The following LRRIQ1 variants were observed in gnomAD, a reference collection of about 807,000 sequenced individuals.
The protein encoded by LRRIQ1 is leucine-rich repeat- and IQ domain-containing protein 1.
A neutral mutation model predicts 211.9 loss-of-function variants in LRRIQ1; 210 were observed. The observed-to-expected ratio is 0.99, with a 90% CI of 0.89 to 1.11. The LOEUF (loss-of-function observed/expected upper bound fraction) is 1.11, where lower values mean the gene tolerates loss of function less well. Ranked by LOEUF, LRRIQ1 falls within the 50% of genes most tolerant of loss-of-function variation. LRRIQ1 has a pLI of 0.00. For synonymous variants in LRRIQ1, 699 were observed against 650.1 expected (o/e 1.08, Z -1.14); for missense variants, 2,136 against 1,939.5 (o/e 1.10, Z -1.90).
At chr12:85,113,191 A>G (rs1394959804) in intron 15 of LRRIQ1, among the ~76,000 whole-genome samples, 1 of 152,164 alleles carries the variant, frequency 6.6e-6, no homozygotes, top group Non-Finnish European at 1.5e-5. Flanking sequence ...AAGGAAACAT[A>G]ATTGGTGACA....
intron 8 of LRRIQ1, among the ~76,000 whole-genome samples, chr12:85,062,975 T>A (rs1882013490): frequency 6.6e-6 from 1 of 151,930 alleles, no homozygotes; most frequent in African/African-American, 2.4e-5. Context: ...TTTTTTCTTA[T>A]GTTTGTTGGC....
intron 12 of LRRIQ1, 132 bp from the exon 13 acceptor site, chr12:85,098,735 T>C: frequency 4.1e-6 from 3 of 724,312 alleles, no homozygotes; most frequent in Non-Finnish European, 6.4e-6. Context: ...ATTTAAAAAG[T>C]CTTATACCTT....
intron 11 of LRRIQ1, among the ~76,000 whole-genome samples, chr12:85,081,301 C>T (rs1397246649): frequency 6.6e-6 from 1 of 152,122 alleles, no homozygotes; most frequent in Non-Finnish European, 1.5e-5. Context: ...ATGTCTTGAG[C>T]AGATATGTTT....
At chr12:85,149,451 A>G (rs913892288) in intron 19 of LRRIQ1, among the ~76,000 whole-genome samples, 6 of 151,962 alleles carry the variant, frequency 3.9e-5, no homozygotes, top group African/African-American at 1.4e-4. Flanking sequence ...GCTGAAAATC[A>G]GATGGTTGTA....
At chr12:85,259,322 A>G (rs1008734003) in intron 1 of LRRIQ1, among the ~76,000 whole-genome samples, 1 of 151,960 alleles carries the variant, frequency 6.6e-6, no homozygotes, top group Admixed American at 6.6e-5. Context: ...TTGCTATTTT[A>G]TTTTCATATG....
intron 24 of LRRIQ1, among the ~76,000 whole-genome samples, chr12:85,161,823 G>A (rs1461736400): frequency 1.3e-5 from 2 of 152,038 alleles, no homozygotes; most frequent in Non-Finnish European, 2.9e-5. Context: ...GACAGATCAC[G>A]AGATCAGGAG....
At chr12:85,245,235 G>T (rs2137279060), downstream of LRRIQ1, 1 of 244,552 alleles carries the variant, frequency 4.1e-6, no homozygotes, top group Admixed American at 5.5e-5. Flanking sequence ...TAAGATGTTA[G>T]ATTTATATAT....
chr12:85,062,995 G>A (rs1312938895), intron 8 of LRRIQ1, among the ~76,000 whole-genome samples: 1 of 151,770 alleles, frequency 6.6e-6, no homozygotes, highest in Non-Finnish European at 1.5e-5. Context: ...CCACGTGTAT[G>A]TCTTCTTTCA....
At chr12:85,040,933 G>T (rs1878811358) in intron 3 of LRRIQ1, among the ~76,000 whole-genome samples, 1 of 151,032 alleles carries the variant, frequency 6.6e-6, no homozygotes, top group South Asian at 2.1e-4. Context: ...ATCTTTTTTT[G>T]GGAAAAATAT....
intron 24 of LRRIQ1, among the ~76,000 whole-genome samples, chr12:85,192,519 TATATA>T (rs1216116884): frequency 8.1e-6 from 1 of 122,878 alleles, no homozygotes; most frequent in Admixed American, 1.0e-4. Flanking sequence ...TATATATAGT[TATATA>T]ATATAATTAT....
intron 25 of LRRIQ1, among the ~76,000 whole-genome samples, chr12:85,230,923 C>G (rs1198216165): frequency 6.6e-6 from 1 of 152,082 alleles, no homozygotes; most frequent in African/African-American, 2.4e-5. Flanking sequence ...GTAGGGGGCG[C>G]CTGTAGTCCC....
At chr12:85,236,832 T>C (rs1336587282) in intron 26 of LRRIQ1, among the ~76,000 whole-genome samples, 2 of 128,698 alleles carry the variant, frequency 1.6e-5, no homozygotes, top group East Asian at 2.1e-4. Context: ...TATGTGTGCA[T>C]ATATATATAT....
intron 1 of LRRIQ1, among the ~76,000 whole-genome samples, chr12:85,251,377 G>A (rs1397667198): frequency 1.3e-5 from 2 of 151,864 alleles, no homozygotes; most frequent in East Asian, 3.9e-4. Flanking sequence ...GACTAATAAA[G>A]TATAATATAG....
chr12:85,227,888 C>G (rs1226371537), intron 24 of LRRIQ1, among the ~76,000 whole-genome samples: 1 of 152,168 alleles, frequency 6.6e-6, no homozygotes, highest in Non-Finnish European at 1.5e-5. Context: ...ACCATCTGAT[C>G]TTTGACAAAC....
In LRRIQ1 at chr12:85,104,029, C is replaced by T. The variant is rs376718834; in HGVS notation, c.3235C>T (p.His1079Tyr). ...CTTGACTAAAATCGTACCACTTTTT[C>T]ATTTTGTTTCATTGGAAAAGCTAGA... ...NSLTKIVPLF[H>Y]FVSLEKLDVS... The change falls in exon 14 of 27, where the codon CAT becomes TAT. Residue 1079 changes from histidine (H) to tyrosine (Y), a missense_variant. By Grantham distance (83) the His-to-Tyr change is moderately conservative. Coordinates refer to ENST00000393217, the MANE Select transcript of LRRIQ1 (RefSeq NM_001079910.2). The T allele has an allele frequency of 6.4e-7, 1 of 1,565,788 alleles. No individual in the cohort carries two copies. Among genetic ancestry groups the T allele is most frequent in the Non-Finnish European group, 8.7e-7 (1 of 1,155,902 alleles).
intron 14 of LRRIQ1, 98 bp from the exon 15 acceptor site, chr12:85,106,424 T>C: frequency 2.4e-6 from 2 of 829,196 alleles, no homozygotes; most frequent in East Asian, 5.1e-5. Flanking sequence ...AATATTGCTT[T>C]TCTTTAATAG....
At position 85,154,012 on chromosome 12, in the gene LRRIQ1, G is replaced by T; in HGVS notation, c.4638G>T (p.Trp1546Cys). 2 of 1,539,342 alleles carry T rather than the reference G, an allele frequency of 1.3e-6. No individual in the cohort carries two copies. Among genetic ancestry groups the T allele is most frequent in the South Asian group, 1.3e-5 (1 of 77,292 alleles). Reference protein sequence around the residue: ...SEKEKKISEEWGFKDISTAQQ... With the variant: ...SEKEKKISEECGFKDISTAQQ... ...TTTATTATATTTAATCTTTTAATAG[G>T]GGCTTTAAGGATATTTCTACTGCTC... The change falls in exon 23 of 27, where the codon TGG becomes TGT. Residue 1546 changes from tryptophan (W) to cysteine (C), a missense_variant and splice_region_variant. By Grantham distance (215) the Trp-to-Cys change is radical. Transcript: ENST00000393217.
chr12:85,176,706 A>C (rs1441421728), intron 24 of LRRIQ1, among the ~76,000 whole-genome samples: 1 of 151,570 alleles, frequency 6.6e-6, no homozygotes, highest in Non-Finnish European at 1.5e-5. Context: ...ACTAACCTGC[A>C]CAATGTGCAC....
intron 24 of LRRIQ1, among the ~76,000 whole-genome samples, chr12:85,221,377 TAAG>T (rs776353467): frequency 6.6e-6 from 1 of 152,134 alleles, no homozygotes; most frequent in Admixed American, 6.5e-5. Context: ...ATGTACCACT[TAAG>T]GAGATTATAT....
Sources: gnomAD v4.1 joint callset for allele counts (sites outside exome capture counted in the v4.1 genomes callset) on GRCh38, gnomAD v4.1.1 for gene constraint, MANE v1.5 for transcripts, NCBI Gene and HGNC (gene_info 2026-07-23, HGNC 2026-07-21) for gene names.